FAAH2: variants seen among roughly 807,000 people sequenced by gnomAD.
FAAH2 encodes fatty-acid amide hydrolase 2.
In FAAH2, 60 loss-of-function variants were observed where a neutral mutation model predicts 36.9. The ratio of observed to expected loss-of-function variants is 1.63; its 90% CI spans 1.32 to 2.02. FAAH2 has a LOEUF of 2.02. Among genes scored for constraint, FAAH2 ranks in the 30% most tolerant of loss-of-function variants. FAAH2 has a pLI of 0.00. For missense variants in FAAH2, 689 were observed against 397.5 expected (o/e 1.73, Z -6.23); for synonymous variants, 214 against 143.8 (o/e 1.49, Z -3.49).
the FAAH2 span, among the ~76,000 whole-genome samples, chrX:57,165,963 G>T: frequency 9.0e-6 from 1 of 110,648 alleles, no homozygotes; most frequent in Non-Finnish European, 1.9e-5. Context: ...CCAAGACTCT[G>T]GCAGACACAA....
rs2051827448 is a variant in FAAH2 at position 57,286,999 on chromosome X, G to C, written c.174G>C (p.Lys58Asn). 8.4e-7 allele frequency: 1 copy of C among 1,190,450 alleles called. No homozygotes were observed. The highest frequency in any genetic ancestry group is 1.8e-5 in the African/African-American group (1 of 56,155). The change falls in exon 1 of 11, where the codon AAG becomes AAC. Residue 58 changes from lysine (K) to asparagine (N), a missense_variant. Coordinates refer to ENST00000374900, the MANE Select transcript of FAAH2 (RefSeq NM_174912.4). The stretch of plus-strand genomic sequence containing the variant: ...TGCTTTCGGGGATGCAGCTGGCCAA[G>C]CTGATCCGACAGAGAAAGGTGAGAA... ...LLLLSGMQLAKLIRQRKVKCI... is the reference protein window; with the variant it reads ...LLLLSGMQLANLIRQRKVKCI...
At chrX:57,394,207 A>C (rs1423251660) in intron 7 of FAAH2, 2 of 663,200 alleles carry the variant, frequency 3.0e-6, no homozygotes, top group African/African-American at 4.3e-5. Context: ...TGGGGCCCTG[A>C]GAAGGCTGTC....
intron 6 of FAAH2, among the ~76,000 whole-genome samples, chrX:57,380,071 TG>T (rs1276291542): frequency 1.8e-5 from 2 of 111,164 alleles, no homozygotes; most frequent in African/African-American, 6.5e-5. Flanking sequence ...TCATGGAAAA[TG>T]GGGTAGGTAT....
chrX:57,161,571 G>T, the FAAH2 span, among the ~76,000 whole-genome samples: 2 of 111,643 alleles, frequency 1.8e-5, no homozygotes, highest in East Asian at 2.8e-4. Context: ...GTATTTAGGA[G>T]AGCTAGCTCT....
intron 2 of FAAH2, among the ~76,000 whole-genome samples, chrX:57,305,132 C>T (rs2052485657): frequency 9.1e-6 from 1 of 110,130 alleles, no homozygotes; most frequent in African/African-American, 3.3e-5. Context: ...CCTTGGTCTT[C>T]TATGACTTCA....
At chrX:57,156,671 G>A in the FAAH2 span, among the ~76,000 whole-genome samples, 2 of 112,077 alleles carry the variant, frequency 1.8e-5, no homozygotes, top group South Asian at 7.6e-4. Context: ...TGTGGACTTG[G>A]AAAAGATAAG....
intron 7 of FAAH2, among the ~76,000 whole-genome samples, chrX:57,409,619 G>A (rs1342585387): frequency 9.0e-6 from 1 of 110,615 alleles, no homozygotes; most frequent in Non-Finnish European, 1.9e-5. Context: ...AGCCTTTGTA[G>A]TTTTTATGGT....
At chrX:57,484,742 G>A (rs1254984813) in intron 10 of FAAH2, among the ~76,000 whole-genome samples, 1 of 111,513 alleles carries the variant, frequency 9.0e-6, no homozygotes, top group Non-Finnish European at 1.9e-5. Flanking sequence ...AAGCTAGTTA[G>A]GTTAGTCTGA....
At chrX:57,198,097 T>C in the FAAH2 span, among the ~76,000 whole-genome samples, 1 of 111,065 alleles carries the variant, frequency 9.0e-6, no homozygotes, top group East Asian at 2.8e-4. Flanking sequence ...AATAAGTATT[T>C]GGGTTTCTGC....
At chrX:57,311,359 G>T (rs1265385421) in intron 3 of FAAH2, among the ~76,000 whole-genome samples, 2 of 112,273 alleles carry the variant, frequency 1.8e-5, no homozygotes, top group Non-Finnish European at 3.8e-5. Context: ...GCCTTAAATG[G>T]CTCCTGCGAA....
chrX:57,257,727 G>A, the FAAH2 span, among the ~76,000 whole-genome samples: 1 of 110,715 alleles, frequency 9.0e-6, no homozygotes, highest in East Asian at 2.8e-4. Flanking sequence ...ATTTGTAATG[G>A]CACCAATAAG....
chrX:57,309,289 A>G (rs2052625933), intron 2 of FAAH2, among the ~76,000 whole-genome samples: 1 of 111,753 alleles, frequency 8.9e-6, no homozygotes, highest in East Asian at 2.8e-4. Flanking sequence ...ACCTATAATC[A>G]TAGCACCAAA....
the FAAH2 span, among the ~76,000 whole-genome samples, chrX:57,123,161 C>A: frequency 9.0e-6 from 1 of 111,158 alleles, no homozygotes; most frequent in African/African-American, 3.3e-5. Flanking sequence ...CCTACCCCCA[C>A]CTCACAAGAG....
rs181676653 is a variant in FAAH2 at position 57,480,580 on chromosome X, C to T, written c.1424-8177C>T. 4.6e-3 allele frequency among the ~76,000 whole-genome samples: 517 copies of T among 111,939 alleles called. 3 individuals carry two copies. The highest frequency in any genetic ancestry group is 0.018 in the Middle Eastern group (4 of 217). ...AATGTTTGCCCCCACTGTCTTTAGG[C>T]TTGTAGGGTTTCTGCAGATTAATCC... On this transcript the variant is annotated intron_variant, in intron 10 of 10. Transcript: ENST00000374900.
At chrX:57,390,472 G>A (rs1341636446) in intron 7 of FAAH2, among the ~76,000 whole-genome samples, 2 of 111,230 alleles carry the variant, frequency 1.8e-5, no homozygotes, top group Non-Finnish European at 3.8e-5. Flanking sequence ...TAATTTTTCA[G>A]CCCTCATCTA....
At chrX:57,328,998 A>G (rs188757772) in intron 3 of FAAH2, among the ~76,000 whole-genome samples, 134 of 111,629 alleles carry the variant, frequency 1.2e-3, no homozygotes, top group Middle Eastern at 9.2e-3. Flanking sequence ...TAATACTTCA[A>G]TGGGTAAGTG....
At chrX:57,378,257 C>A (rs1400076203) in intron 5 of FAAH2, among the ~76,000 whole-genome samples, 1 of 111,808 alleles carries the variant, frequency 8.9e-6, no homozygotes, top group Non-Finnish European at 1.9e-5. Flanking sequence ...GCTTTGTATA[C>A]AAGCTAAAGG....
chrX:57,147,223 G>A, the FAAH2 span, among the ~76,000 whole-genome samples: 1 of 111,437 alleles, frequency 9.0e-6, no homozygotes, highest in Non-Finnish European at 1.9e-5. Flanking sequence ...TTTTTAAATT[G>A]CCATTTCAAT....
At chrX:57,395,033 C>T (rs2055259726) in intron 7 of FAAH2, 2 of 557,204 alleles carry the variant, frequency 3.6e-6, no homozygotes, top group Non-Finnish European at 6.6e-6. Flanking sequence ...AGCACTGATG[C>T]TAGTCAATCC....
Sources: allele counts gnomAD v4.1 joint callset (sites outside exome capture counted in the v4.1 genomes callset), GRCh38; gene constraint gnomAD v4.1.1; transcripts MANE v1.5; gene names NCBI Gene and HGNC (gene_info 2026-07-23, HGNC 2026-07-21).